The following DLG2 variants were observed in gnomAD, a reference collection of about 807,000 sequenced individuals.
DLG2 encodes discs large MAGUK scaffold protein 2.
A neutral mutation model predicts 132.5 loss-of-function variants in DLG2; 45 were observed. That is an observed-to-expected ratio of 0.34 (90% CI 0.27 to 0.44). The LOEUF (loss-of-function observed/expected upper bound fraction) is 0.44. Among genes scored for constraint, DLG2 ranks in the 20% least tolerant of loss-of-function variants. DLG2 has a pLI of 1.00. For synonymous variants in DLG2, 424 were observed against 419.6 expected (o/e 1.01, Z -0.13); for missense variants, 1,045 against 1,196.9 (o/e 0.87, Z 1.87).
intron 22 of DLG2, among the ~76,000 whole-genome samples, chr11:83,474,411 G>A (rs1405258748): frequency 6.6e-6 from 1 of 152,120 alleles, no homozygotes; most frequent in Non-Finnish European, 1.5e-5. Context: ...TTAAAGAAGT[G>A]TAAAAATTCT....
At chr11:84,218,882 T>C (rs373857073) in intron 8 of DLG2, among the ~76,000 whole-genome samples, 2 of 152,346 alleles carry the variant, frequency 1.3e-5, no homozygotes, top group Admixed American at 6.5e-5. Flanking sequence ...TTATCCAATG[T>C]ATCAATAGGG....
At chr11:84,476,961 T>C (rs2099123328) in intron 7 of DLG2, among the ~76,000 whole-genome samples, 1 of 152,012 alleles carries the variant, frequency 6.6e-6, no homozygotes, top group African/African-American at 2.4e-5. Flanking sequence ...TACACTAAGA[T>C]TTGGGGAAAT....
Position 84,335,977 on chromosome 11 carries a change from T to C in DLG2, c.520-84686A>G, listed in dbSNP as rs2098482779. Among the ~76,000 whole-genome samples, 4 of 152,218 alleles carry C rather than the reference T, an allele frequency of 2.6e-5. No individual in the cohort carries two copies. In the South Asian group the frequency reaches 6.2e-4, roughly 24 times the overall value. Reference sequence around the variant, plus strand: ...CCTGAAAAGATACTAGCCCCACCAATATAATTCAACATAAATTTTTATTAT... The same window carrying C: ...CCTGAAAAGATACTAGCCCCACCAACATAATTCAACATAAATTTTTATTAT... On this transcript the variant is annotated intron_variant, in intron 7 of 27. Coordinates refer to ENST00000376104, the MANE Select transcript of DLG2 (RefSeq NM_001142699.3).
chr11:84,019,561 T>C lies in DLG2; in HGVS notation c.920-38919A>G, dbSNP rs572232052. On this transcript the variant is annotated intron_variant, in intron 11 of 27. Coordinates refer to ENST00000376104, the MANE Select transcript of DLG2 (RefSeq NM_001142699.3). ...CTCCCAAAAGATGGTGAAGTTCTAA[T>C]CTCCAGTATCTGTGACTTTATTTAG... 3.3e-5 allele frequency among the ~76,000 whole-genome samples: 5 copies of C among 152,258 alleles called. No homozygotes were observed. In the East Asian group the frequency reaches 7.7e-4, roughly 24 times the overall value.
intron 7 of DLG2, among the ~76,000 whole-genome samples, chr11:84,516,733 C>A (rs72943753): frequency 6.6e-6 from 1 of 150,642 alleles, no homozygotes; most frequent in African/African-American, 2.4e-5. Context: ...ACCCTGATAC[C>A]AAAGCCAAAC....
At chr11:84,580,632 G>A (rs953709371) in intron 6 of DLG2, among the ~76,000 whole-genome samples, 2 of 152,186 alleles carry the variant, frequency 1.3e-5, no homozygotes, top group Admixed American at 1.3e-4. Flanking sequence ...ATTCAGCTCT[G>A]TCTCCTCGTA....
chr11:84,226,722 T>A (rs2097000914), intron 8 of DLG2, among the ~76,000 whole-genome samples: 2 of 152,156 alleles, frequency 1.3e-5, no homozygotes, highest in South Asian at 4.1e-4. Context: ...CTGGGGCAGA[T>A]AAGGAAACAG....
intron 6 of DLG2, among the ~76,000 whole-genome samples, chr11:85,089,604 TCTTTTTGGTAGAG>T (rs1207115259): frequency 1.3e-5 from 2 of 152,198 alleles, no homozygotes; most frequent in African/African-American, 4.8e-5. Flanking sequence ...AATGCATGTG[TCTTTTTGGTAGAG>T]CAATTTGTTT....
chr11:83,777,966 G>A (rs1344217457), intron 18 of DLG2, among the ~76,000 whole-genome samples: 3 of 152,160 alleles, frequency 2.0e-5, no homozygotes, highest in African/African-American at 7.2e-5. Flanking sequence ...GTTCAGAAAA[G>A]TGATATGACT....
intron 9 of DLG2, among the ~76,000 whole-genome samples, chr11:84,110,328 A>G (rs1228087451): frequency 6.6e-6 from 1 of 152,096 alleles, no homozygotes; most frequent in Non-Finnish European, 1.5e-5. Flanking sequence ...CTCTTACTGG[A>G]TGATTGTCTT....
At chr11:83,529,615 T>C (rs918233274) in intron 21 of DLG2, among the ~76,000 whole-genome samples, 3 of 152,084 alleles carry the variant, frequency 2.0e-5, no homozygotes, top group Non-Finnish European at 4.4e-5. Context: ...TCAGAATCCT[T>C]TTTCAAAACA....
In DLG2 at chr11:85,383,269, G is replaced by A. The variant is rs563630616; in HGVS notation, c.41-97904C>T. On this transcript the variant is annotated intron_variant, in intron 3 of 27. Transcript: ENST00000376104. ...TTTCATTTATCCAAAATCCAGAAAA[G>A]GCACATGTACAGAAAGTAGATTAGT... 8.1e-4 allele frequency among the ~76,000 whole-genome samples: 123 copies of A among 152,150 alleles called. 1 individual carries two copies. The highest frequency in any genetic ancestry group is 2.5e-3 in the South Asian group (12 of 4,810).
chr11:84,227,489 C>T lies in DLG2; in HGVS notation c.573+23749G>A, dbSNP rs141401238. Among the ~76,000 whole-genome samples, 32 of 152,230 alleles carry T rather than the reference C, an allele frequency of 2.1e-4. No individual in the cohort carries two copies. The East Asian group carries it at 6.2e-3, about 29-fold the overall frequency. ...CACTGAGCCATTTATTTTCTTTAATCACAGCATCTGTAAGAATATAGTTAT... is the reference window on the plus strand; with the variant it reads ...CACTGAGCCATTTATTTTCTTTAATTACAGCATCTGTAAGAATATAGTTAT... On this transcript the variant is annotated intron_variant, in intron 8 of 27. Transcript: ENST00000376104.
intron 5 of DLG2, among the ~76,000 whole-genome samples, chr11:85,123,311 A>T (rs935218959): frequency 6.6e-6 from 1 of 152,016 alleles, no homozygotes; most frequent in Non-Finnish European, 1.5e-5. Flanking sequence ...GTTCAAGTTA[A>T]TGGTGTGGAA....
rs558944075 is a variant in DLG2 at position 84,060,140 on chromosome 11, C to A, written c.750-656G>T. On this transcript the variant is annotated intron_variant, in intron 10 of 27. Transcript: ENST00000376104. The stretch of plus-strand genomic sequence containing the variant: ...CCAGCCTGACCAATATGGTGAAACC[C>A]CGTCTCTACCAAAAATACAAAAATT... Among the ~76,000 whole-genome samples, 17 of 152,058 alleles carry A rather than the reference C, an allele frequency of 1.1e-4. No homozygotes were observed. The East Asian group carries it at 3.3e-3, about 30-fold the overall frequency.
chr11:85,184,436 T>A (rs773657767), intron 4 of DLG2, among the ~76,000 whole-genome samples: 28 of 151,834 alleles, frequency 1.8e-4, no homozygotes, highest in Admixed American at 3.9e-4. Context: ...AGCTCCCATT[T>A]TGTAGAGAAA....
At chr11:84,533,939 C>CAAAAAAAAAAAAAAAAAAAAAAA (rs2099349313) in intron 7 of DLG2, among the ~76,000 whole-genome samples, 1 of 77,662 alleles carries the variant, frequency 1.3e-5, no homozygotes, top group African/African-American at 4.9e-5. Flanking sequence ...AAAAAAAAAT[C>CAAAAAAAAAAAAAAAAAAAAAAA]AGAGTAATTT....
chr11:85,470,482 G>C (rs1262261591), intron 3 of DLG2, among the ~76,000 whole-genome samples: 2 of 152,068 alleles, frequency 1.3e-5, no homozygotes, highest in Non-Finnish European at 2.9e-5. Flanking sequence ...CAGCACTTTG[G>C]GCGGCCAAGG....
In DLG2 at chr11:83,456,820, A is replaced by T. The variant is rs188502143; in HGVS notation, c.*2998T>A. 1 of 152,378 alleles carries T rather than the reference A, an allele frequency of 6.6e-6. No individual in the cohort carries two copies. Among genetic ancestry groups the T allele is most frequent in the East Asian group, 1.9e-4 (1 of 5,188 alleles). 9.4% of individuals were successfully genotyped at this position (152,378 alleles called of 1,614,324 possible). A position where few individuals can be genotyped will look rare whatever the true frequency, so the allele number is the denominator to read the frequency against. ...CTAAGACAGCGCACAGAGGCACCCGAGTGCAGCTTTGTGAAGACAGGCTCT... is the reference window on the plus strand; with the variant it reads ...CTAAGACAGCGCACAGAGGCACCCGTGTGCAGCTTTGTGAAGACAGGCTCT... On this transcript the variant is annotated 3_prime_UTR_variant, in exon 28 of 28. Coordinates refer to ENST00000376104, the MANE Select transcript of DLG2 (RefSeq NM_001142699.3).
Sources: allele counts gnomAD v4.1 joint callset (sites outside exome capture counted in the v4.1 genomes callset), GRCh38; gene constraint gnomAD v4.1.1; transcripts MANE v1.5; gene names NCBI Gene and HGNC (gene_info 2026-07-23, HGNC 2026-07-21).